Variants in CROCC observed in about 807,000 individuals in gnomAD.
CROCC encodes rootletin.
In CROCC, 180 loss-of-function variants were observed where a neutral mutation model predicts 245.2. That is an observed-to-expected ratio of 0.73 (90% CI 0.65 to 0.83). The LOEUF (loss-of-function observed/expected upper bound fraction) is 0.83. CROCC is among the 40% of genes least tolerant of loss of function. The pLI, the probability that CROCC is intolerant of heterozygous loss-of-function variation, is 0.00. For missense variants in CROCC, 2,688 were observed against 2,779.4 expected, an observed-to-expected ratio of 0.97 and a Z score of 0.74; for synonymous variants, 1,205 against 1,241.6, an observed-to-expected ratio of 0.97 and a Z score of 0.62.
rs778088980 is a variant in CROCC at position 16,965,902 on chromosome 1, G to A, written c.4575+10G>A. 2 of 1,611,342 alleles carry A rather than the reference G, an allele frequency of 1.2e-6. No homozygotes were observed. The highest frequency in any genetic ancestry group is 1.1e-5 in the South Asian group (1 of 91,004). ...TGCCCAGAGAGAACGGGTAAGCCTG[G>A]GTGTGCATGGCTGGATGGGGAACCT... is the stretch of plus-strand genomic sequence containing the variant. On this transcript the variant is annotated intron_variant, in intron 28 of 36. Transcript: ENST00000375541.
intron 12 of CROCC, among the ~76,000 whole-genome samples, 177 bp downstream of exon 12, chr1:16,939,319 C>T (rs1376616006): frequency 6.6e-5 from 10 of 152,232 alleles, no homozygotes; most frequent in African/African-American, 2.2e-4. Flanking sequence ...TCAGGACCCC[C>T]AAGGAGGTGG....
intron 20 of CROCC, chr1:16,952,017 G>C (rs1400579757): frequency 7.4e-6 from 1 of 135,580 alleles, no homozygotes; most frequent in Non-Finnish European, 1.6e-5. Flanking sequence ...TCTGCTTCCT[G>C]AGTAGCTGGG....
In CROCC at chr1:16,954,413, G is replaced by A. The variant is rs1008078876; in HGVS notation, c.3321+56G>A. ...CTCATAGAGAGGCACATCCCTGGCTGAGGAGCCCCCACCACGGGGCGGCAT... is the reference window on the plus strand; with the variant it reads ...CTCATAGAGAGGCACATCCCTGGCTAAGGAGCCCCCACCACGGGGCGGCAT... On this transcript the variant is annotated intron_variant, in intron 22 of 36. Coordinates refer to ENST00000375541, the MANE Select transcript of CROCC (RefSeq NM_014675.5). This position sits in a 1 kb window ranked among gnomAD's most constrained non-coding sequence, Gnocchi z 4.4. The A allele has an allele frequency of 2.5e-6, 4 of 1,569,758 alleles. No individual in the cohort carries two copies. Among genetic ancestry groups the A allele is most frequent in the Non-Finnish European group, 3.5e-6 (4 of 1,154,310 alleles).
chr1:16,941,646 G>A (rs1456304981), intron 13 of CROCC, among the ~76,000 whole-genome samples: 2 of 152,076 alleles, frequency 1.3e-5, no homozygotes, highest in Admixed American at 1.3e-4. Context: ...GCAGGAGAAT[G>A]GCCTGAACCC....
At chr1:16,968,943 G>A in intron 31 of CROCC, 173 bp from the exon 32 acceptor site, 2 of 718,868 alleles carry the variant, frequency 2.8e-6, no homozygotes, top group Non-Finnish European at 2.5e-6. Context: ...GGGCCCAGGT[G>A]GCAGTAGGCT....
At chr1:16,918,300 CTTTTTTT>C (rs201445636), upstream of CROCC, among the ~76,000 whole-genome samples, 1 of 123,872 alleles carries the variant, frequency 8.1e-6, no homozygotes, top group Non-Finnish European at 1.7e-5. Context: ...GGAATTCAGT[CTTTTTTT>C]TTTTTTTTTT....
intron 27 of CROCC, 57 bp from the exon 28 acceptor site, chr1:16,965,666 G>A: frequency 8.2e-7 from 1 of 1,222,218 alleles, no homozygotes; most frequent in East Asian, 2.3e-5. Context: ...CAGTGAGTGA[G>A]ATGTGTGGGA....
Position 16,939,382 on chromosome 1 carries a change from G to A in CROCC, c.1608+240G>A, listed in dbSNP as rs529713629. Among the ~76,000 whole-genome samples, 4 of 152,342 alleles carry A rather than the reference G, an allele frequency of 2.6e-5. No homozygotes were observed. In the East Asian group the frequency reaches 7.7e-4, roughly 29 times the overall value. On this transcript the variant is annotated intron_variant, in intron 12 of 36. Transcript: ENST00000375541. ...CAGAAGTGGGGGTGCTTGGGCAGCT[G>A]GGGGTGGGTGCTTGGGCAGCTGGTG...
At chr1:16,957,097 A>C (rs1167141173) in intron 25 of CROCC, among the ~76,000 whole-genome samples, 2 of 152,062 alleles carry the variant, frequency 1.3e-5, no homozygotes, top group Admixed American at 6.6e-5. Context: ...CATGGTGAAA[A>C]CCTGTCTCTA....
At chr1:16,970,792 C>G in intron 35 of CROCC, 25 bp downstream of exon 35, 1 of 1,543,640 alleles carries the variant, frequency 6.5e-7, no homozygotes, top group Non-Finnish European at 8.7e-7. Flanking sequence ...AGTCCGGGAC[C>G]CCAACTTCAT....
At chr1:16,958,552 TGAACC>T in intron 25 of CROCC, 26 bp from the exon 26 acceptor site, 10 of 1,548,780 alleles carry the variant, frequency 6.5e-6, no homozygotes, top group Non-Finnish European at 8.7e-6. Flanking sequence ...GGGGCAGAGC[TGAACC>T]TGCTGCCATT....
At chr1:16,970,078 G>T in intron 33 of CROCC, 144 bp downstream of exon 33, 4 of 1,251,754 alleles carry the variant, frequency 3.2e-6, no homozygotes, top group Non-Finnish European at 4.3e-6. Flanking sequence ...GCATAGTCCT[G>T]TTATACAGAT....
At chr1:16,971,219 GTGT>G (rs1198646419) in intron 35 of CROCC, among the ~76,000 whole-genome samples, 4 of 53,824 alleles carry the variant, frequency 7.4e-5, no homozygotes, top group East Asian at 7.3e-4. Flanking sequence ...GAGTGTGTGT[GTGT>G]GTGTGTGTGT....
chr1:16,923,409 C>T (rs1489381281), intron 2 of CROCC, among the ~76,000 whole-genome samples: 1 of 152,266 alleles, frequency 6.6e-6, no homozygotes, highest in Non-Finnish European at 1.5e-5. Flanking sequence ...CCCTGGAGCC[C>T]CAGACAGGGA....
rs572815586 is a variant in CROCC at position 16,935,314 on chromosome 1, A to G, written c.957-1323A>G. On this transcript the variant is annotated intron_variant, in intron 8 of 36. Coordinates refer to ENST00000375541, the MANE Select transcript of CROCC (RefSeq NM_014675.5). ...ACACTTTTTTGCATATACGCCTGGT[A>G]AAATTTCATCTTCACAGTTCTTGAA... 3.3e-4 allele frequency among the ~76,000 whole-genome samples: 50 copies of G among 152,384 alleles called. No individual in the cohort carries two copies. The South Asian group carries it at 0.01, about 31-fold the overall frequency.
chr1:16,924,267 G>T (rs58609892), intron 2 of CROCC, 58 bp from the exon 3 acceptor site: 13 of 1,579,488 alleles, frequency 8.2e-6, no homozygotes, highest in South Asian at 7.9e-5. Context: ...CTCCCTGTTG[G>T]GGGGAGGATG....
At chr1:16,951,788 T>A (rs1218716507) in intron 20 of CROCC, 2 of 155,048 alleles carry the variant, frequency 1.3e-5, no homozygotes, top group Non-Finnish European at 2.9e-5. Flanking sequence ...GTGCAGGCTA[T>A]GACTGCATGG....
At chr1:16,949,605 C>T (rs1195020058) in intron 19 of CROCC, among the ~76,000 whole-genome samples, 2 of 152,190 alleles carry the variant, frequency 1.3e-5, no homozygotes, top group Non-Finnish European at 2.9e-5. Flanking sequence ...AGCTGTGCAG[C>T]TGTGGGAAGT....
In CROCC at chr1:16,958,881, C is replaced by T. The variant is rs1199798238; in HGVS notation, c.4032+131C>T. The T allele has an allele frequency of 4.7e-6, 5 of 1,059,128 alleles. No homozygotes were observed. In the Admixed American group the frequency reaches 1.1e-4, roughly 24 times the overall value. 65.6% of individuals were successfully genotyped at this position (1,059,128 alleles called of 1,614,324 possible). ...GCTCCTTCCCCCACTCCTTGAGACT[C>T]TTCCCCAGTTGTAGTAACAACAACC... On this transcript the variant is annotated intron_variant, in intron 26 of 36. Transcript: ENST00000375541.
Sources: gnomAD v4.1 joint callset for allele counts (sites outside exome capture counted in the v4.1 genomes callset) on GRCh38, gnomAD v4.1.1 for gene constraint, Gnocchi (gnomAD v3.1) non-coding constraint, MANE v1.5 for transcripts, NCBI Gene and HGNC (gene_info 2026-07-23, HGNC 2026-07-21) for gene names.